KLRG1: variants seen among roughly 807,000 people sequenced by gnomAD.
KLRG1 encodes killer cell lectin like receptor G1.
Under a neutral mutation model 21.8 loss-of-function variants are expected in KLRG1, and 16 were observed. The observed-to-expected ratio is 0.73, with a 90% CI of 0.50 to 1.11. The LOEUF (loss-of-function observed/expected upper bound fraction) is 1.11, where lower values mean the gene tolerates loss of function less well. Ranked by LOEUF, KLRG1 falls within the 50% of genes most tolerant of loss-of-function variation. The pLI is 0.00. For missense variants in KLRG1, 173 were observed against 218.3 expected, an observed-to-expected ratio of 0.79 and a Z score of 1.31; for synonymous variants, 69 against 75.9, an observed-to-expected ratio of 0.91 and a Z score of 0.47.
At chr12:9,108,282 T>C in the KLRG1 span, among the ~76,000 whole-genome samples, 3 of 152,186 alleles carry the variant, frequency 2.0e-5, no homozygotes, top group African/African-American at 4.8e-5. Context: ...CTGGCCACCA[T>C]GCCTGGCTAA....
chr12:9,098,418 A>C, the KLRG1 span: 2 of 341,744 alleles, frequency 5.9e-6, no homozygotes, highest in Non-Finnish European at 9.6e-6. Context: ...TTTTAACTGC[A>C]GAAGTGAGTA....
At chr12:9,112,742 G>A in the KLRG1 span, 1 of 562,032 alleles carries the variant, frequency 1.8e-6, no homozygotes, top group African/African-American at 1.9e-5. Context: ...AAATAAATCA[G>A]TAAGAGAGGT....
chr12:9,106,762 A>G, the KLRG1 span, among the ~76,000 whole-genome samples: 1 of 152,208 alleles, frequency 6.6e-6, no homozygotes, highest in East Asian at 1.9e-4. Context: ...CTAAATATTA[A>G]ATTTCACAAC....
At chr12:9,208,366 T>C in the KLRG1 span, 11 of 1,589,282 alleles carry the variant, frequency 6.9e-6, no homozygotes, top group East Asian at 1.1e-4. Flanking sequence ...CTCAGGGTTG[T>C]GTCCAACTCT....
the KLRG1 span, among the ~76,000 whole-genome samples, chr12:9,121,712 T>G: frequency 6.6e-6 from 1 of 152,206 alleles, no homozygotes; most frequent in Non-Finnish European, 1.5e-5. This position sits in a 1 kb window ranked among gnomAD's most constrained non-coding sequence, Gnocchi z 4.4. Flanking sequence ...ACTAAAACAA[T>G]TTACTACAAA....
chr12:8,980,714 T>C (rs919728894), intron 1 of KLRG1, among the ~76,000 whole-genome samples: 1 of 152,222 alleles, frequency 6.6e-6, no homozygotes, highest in African/African-American at 2.4e-5. Flanking sequence ...AGGGTGTGGC[T>C]GAGGCTCTAG....
At chr12:9,000,003 CCAGCCTGAGAGA>C (rs751467908) in intron 3 of KLRG1, among the ~76,000 whole-genome samples, 132 of 152,214 alleles carry the variant, frequency 8.7e-4, no homozygotes, top group Non-Finnish European at 1.7e-3. Context: ...CCACTGCACT[CCAGCCTGAGAGA>C]CAGAGTGATA....
At chr12:9,069,399 T>A in the KLRG1 span, among the ~76,000 whole-genome samples, 1 of 152,186 alleles carries the variant, frequency 6.6e-6, no homozygotes, top group Admixed American at 6.5e-5. Context: ...ATATTGTTGT[T>A]GAGTATGTTG....
chr12:9,187,413 A>G, the KLRG1 span, among the ~76,000 whole-genome samples: 36,982 of 152,116 alleles, frequency 0.24, 5,293 homozygotes, highest in Admixed American at 0.35. Flanking sequence ...CTACTCTAAA[A>G]CCGATCACAC....
the KLRG1 span, among the ~76,000 whole-genome samples, chr12:9,195,022 A>G: frequency 2.0e-5 from 3 of 152,158 alleles, no homozygotes; most frequent in Non-Finnish European, 4.4e-5. Flanking sequence ...TTAAAAATAC[A>G]TTAGAGGAGT....
the KLRG1 span, chr12:9,203,860 C>A: frequency 1.2e-6 from 2 of 1,614,060 alleles, no homozygotes; most frequent in Non-Finnish European, 1.7e-6. Context: ...GAAGCACTTA[C>A]AGTCACTGTC....
downstream of KLRG1, among the ~76,000 whole-genome samples, chr12:9,014,826 C>CATAA (rs1166228357): frequency 6.6e-6 from 1 of 150,700 alleles, no homozygotes; most frequent in Non-Finnish European, 1.5e-5. Flanking sequence ...AGTACAATAA[C>CATAA]ATAAATAGAA....
the KLRG1 span, among the ~76,000 whole-genome samples, chr12:9,033,799 A>G: frequency 1.4e-3 from 209 of 152,274 alleles, 1 homozygote; most frequent in East Asian, 9.6e-4. Context: ...GAGTGGGTAT[A>G]TGAGCTCCCC....
chr12:8,970,354 A>G (rs1244662133), intron 1 of KLRG1: 1 of 152,252 alleles, frequency 6.6e-6, no homozygotes, highest in Non-Finnish European at 1.5e-5. Context: ...TCTTACAGAA[A>G]ACGTTTGCTG....
At chr12:9,095,015 A>G in the KLRG1 span, 1 of 1,593,464 alleles carries the variant, frequency 6.3e-7, no homozygotes, top group East Asian at 2.3e-5. Context: ...TGCATTTCAT[A>G]CTGTTGAAGC....
the KLRG1 span, among the ~76,000 whole-genome samples, chr12:9,038,576 T>C: frequency 1.3e-5 from 2 of 152,118 alleles, no homozygotes; most frequent in Non-Finnish European, 1.5e-5. Context: ...CCTAGCAAAG[T>C]TGACACATGA....
chr12:9,136,517 A>G, the KLRG1 span, among the ~76,000 whole-genome samples: 1 of 152,144 alleles, frequency 6.6e-6, no homozygotes, highest in Non-Finnish European at 1.5e-5. Context: ...TCCATTGTGC[A>G]TGTGTGTGTG....
chr12:9,110,421 G>T, the KLRG1 span: 1 of 746,232 alleles, frequency 1.3e-6, no homozygotes, highest in Non-Finnish European at 2.1e-6. Flanking sequence ...GTATTTGCTA[G>T]CATAACAGGG....
chr12:9,174,974 A>G, the KLRG1 span, among the ~76,000 whole-genome samples: 1 of 152,224 alleles, frequency 6.6e-6, no homozygotes, highest in South Asian at 2.1e-4. Context: ...TAAAATTCAT[A>G]TGGAACCAAA....
Sources: gnomAD v4.1 joint callset for allele counts (sites outside exome capture counted in the v4.1 genomes callset) on GRCh38, gnomAD v4.1.1 for gene constraint, Gnocchi (gnomAD v3.1) non-coding constraint, MANE v1.5 for transcripts, NCBI Gene and HGNC (gene_info 2026-07-23, HGNC 2026-07-21) for gene names.